UTP4: variants seen among roughly 807,000 people sequenced by gnomAD.
UTP4 encodes the protein UTP4 small subunit processome component, also known as U3 small nucleolar RNA-associated protein 4 homolog.
In UTP4, 45 loss-of-function variants were observed where a neutral mutation model predicts 82.4. The ratio of observed to expected loss-of-function variants is 0.55; its 90% CI spans 0.43 to 0.70. UTP4 has a LOEUF of 0.70. Among genes scored for constraint, UTP4 ranks in the 30% least tolerant of loss-of-function variants. The pLI, the probability that UTP4 is intolerant of heterozygous loss-of-function variation, is 0.00. For synonymous variants in UTP4, 348 were observed against 300.3 expected (o/e 1.16, Z -1.64); for missense variants, 819 against 858.3 (o/e 0.95, Z 0.57).
At position 69,163,198 on chromosome 16, in the gene UTP4, T is replaced by C. The variant is rs754658000; in HGVS notation, c.1647+20T>C. ...CAGCAGGTAAGGGAGATTCCAGTGCTTTCTATTCCCTTCCTGCTGGATAGT... is the reference window on the plus strand; with the variant it reads ...CAGCAGGTAAGGGAGATTCCAGTGCCTTCTATTCCCTTCCTGCTGGATAGT... On this transcript the variant is annotated intron_variant, in intron 14 of 16. Coordinates refer to ENST00000314423, the MANE Select transcript of UTP4 (RefSeq NM_032830.3). The C allele has an allele frequency of 8.2e-6, 13 of 1,577,488 alleles. No individual in the cohort carries two copies. The Admixed American group carries it at 2.2e-4, about 26-fold the overall frequency.
intron 8 of UTP4, among the ~76,000 whole-genome samples, chr16:69,151,569 C>T (rs143575772): frequency 0.02 from 3,012 of 151,828 alleles, 27 homozygotes; most frequent in Non-Finnish European, 0.026. Context: ...ATACGCCCGC[C>T]TCGGCCTCCC....
intron 14 of UTP4, 81 bp downstream of exon 14, chr16:69,163,259 GC>G: frequency 8.5e-7 from 1 of 1,172,636 alleles, no homozygotes; most frequent in East Asian, 2.3e-5. Context: ...GTTGCGGGGA[GC>G]TTTTTTTTGA....
At chr16:69,151,161 C>A (rs13380484) in intron 8 of UTP4, among the ~76,000 whole-genome samples, 1 of 152,026 alleles carries the variant, frequency 6.6e-6, no homozygotes, top group African/African-American at 2.4e-5. Context: ...CATGCGCCAC[C>A]GCGCTCAGCT....
chr16:69,158,855 A>G (rs1002587964), intron 12 of UTP4, among the ~76,000 whole-genome samples: 2 of 152,144 alleles, frequency 1.3e-5, no homozygotes, highest in South Asian at 4.1e-4. Context: ...CGTTACATGC[A>G]GCACGCATTT....
At chr16:69,153,309 C>T (rs1370091925) in intron 8 of UTP4, among the ~76,000 whole-genome samples, 1 of 152,112 alleles carries the variant, frequency 6.6e-6, no homozygotes, top group East Asian at 1.9e-4. Flanking sequence ...CTGTGTTTAG[C>T]CGTGTTAAAA....
chr16:69,164,992 A>G (rs1963665496), intron 14 of UTP4, among the ~76,000 whole-genome samples: 1 of 152,014 alleles, frequency 6.6e-6, no homozygotes, highest in Admixed American at 6.6e-5. Context: ...TCAGGAGATC[A>G]AGACCATCCT....
intron 12 of UTP4, 92 bp downstream of exon 12, chr16:69,157,332 G>A (rs1963445943): frequency 7.8e-7 from 1 of 1,278,676 alleles, no homozygotes; most frequent in Admixed American, 2.0e-5. Flanking sequence ...GTTCCCTCAT[G>A]TTCCTCCTAC....
Position 69,168,890 on chromosome 16 carries a change from A to G in UTP4, c.2014A>G (p.Ile672Val), listed in dbSNP as rs753894094. ...VAVERPLDDI[I>V]AQLPPPIKKK... ...AGTAGAACGGCCTCTGGATGACATCATTGCTCAGCTCCCACCACCCATTAA... is the reference window on the plus strand; with the variant it reads ...AGTAGAACGGCCTCTGGATGACATCGTTGCTCAGCTCCCACCACCCATTAA... The change falls in exon 17 of 17, where the codon ATT (isoleucine) becomes GTT (valine). Residue 672 changes from isoleucine (I) to valine (V), a missense_variant. Physicochemically the swap from Ile to Val is conservative, Grantham distance 29. Transcript: ENST00000314423. The G allele has an allele frequency of 2.5e-6, 4 of 1,614,066 alleles. No individual in the cohort carries two copies. In the East Asian group the frequency reaches 6.7e-5, roughly 27 times the overall value.
chr16:69,150,395 G>T (rs1963229010), intron 6 of UTP4, 142 bp from the exon 7 acceptor site: 2 of 942,006 alleles, frequency 2.1e-6, no homozygotes, highest in Admixed American at 1.7e-5. Context: ...TTAGCTTCTG[G>T]AAGGAAAAGA....
At chr16:69,144,798 C>G (rs967144928) in intron 6 of UTP4, among the ~76,000 whole-genome samples, 1 of 152,112 alleles carries the variant, frequency 6.6e-6, no homozygotes, top group Non-Finnish European at 1.5e-5. Flanking sequence ...GATAAATTCC[C>G]CTTTAAAAAT....
intron 6 of UTP4, among the ~76,000 whole-genome samples, chr16:69,145,149 C>CAATAATAAT (rs917951120): frequency 2.0e-5 from 3 of 151,062 alleles, no homozygotes; most frequent in African/African-American, 7.3e-5. Flanking sequence ...TCTCAAATAA[C>CAATAATAAT]AATAATAATA....
intron 12 of UTP4, among the ~76,000 whole-genome samples, chr16:69,160,045 T>C (rs191962987): frequency 1.6e-3 from 241 of 151,594 alleles, no homozygotes; most frequent in African/African-American, 5.7e-3. Flanking sequence ...TTTGAAACAA[T>C]TAAAGTATAT....
intron 16 of UTP4, among the ~76,000 whole-genome samples, chr16:69,168,433 C>CA (rs34234554): frequency 0.24 from 11,671 of 48,990 alleles, 1,057 homozygotes; most frequent in Non-Finnish European, 0.27. Flanking sequence ...GAGACTGTCT[C>CA]AAAAAAAAAA....
At chr16:69,152,230 C>T (rs1212321427) in intron 8 of UTP4, among the ~76,000 whole-genome samples, 6 of 151,684 alleles carry the variant, frequency 4.0e-5, no homozygotes, top group African/African-American at 1.5e-4. Flanking sequence ...TAATCATGTC[C>T]TTTTATTTGC....
Position 69,156,913 on chromosome 16 carries a change from G to C in UTP4, c.1288-171G>C, listed in dbSNP as rs1597148457. ...TAGAGAAGTGAATATTTAGTAAAGA[G>C]ATGAAAGGGGGATGTATAGATTACT... On this transcript the variant is annotated intron_variant, in intron 11 of 16. Coordinates refer to ENST00000314423, the MANE Select transcript of UTP4 (RefSeq NM_032830.3). Among the ~76,000 whole-genome samples the C allele has an allele frequency of 4.6e-5, 7 of 152,362 alleles. No homozygotes were observed. The South Asian group carries it at 1.4e-3, about 32-fold the overall frequency.
chr16:69,148,163 G>A (rs946165802), intron 6 of UTP4, among the ~76,000 whole-genome samples: 6 of 152,084 alleles, frequency 3.9e-5, no homozygotes, highest in East Asian at 3.9e-4. Context: ...GGTTTTCACC[G>A]TGTTAGCCAG....
chr16:69,135,589 G>T (rs1412167540), intron 2 of UTP4, among the ~76,000 whole-genome samples: 1 of 152,144 alleles, frequency 6.6e-6, no homozygotes, highest in Non-Finnish European at 1.5e-5. Flanking sequence ...GGTGTTGTAT[G>T]CCCATAGTTC....
At chr16:69,137,561 T>G (rs548749760) in intron 3 of UTP4, among the ~76,000 whole-genome samples, 1 of 152,342 alleles carries the variant, frequency 6.6e-6, no homozygotes, top group African/African-American at 2.4e-5. Context: ...GGCCACTAAT[T>G]AGAACTCTTA....
chr16:69,138,533 C>T (rs922554816), intron 4 of UTP4, among the ~76,000 whole-genome samples: 1 of 152,218 alleles, frequency 6.6e-6, no homozygotes, highest in African/African-American at 2.4e-5. Context: ...GCCACTTGCC[C>T]TGGCCAAGGA....
Sources: gnomAD v4.1 joint callset for allele counts (sites outside exome capture counted in the v4.1 genomes callset) on GRCh38, gnomAD v4.1.1 for gene constraint, MANE v1.5 for transcripts, NCBI Gene and HGNC (gene_info 2026-07-23, HGNC 2026-07-21) for gene names.